The following ST18 variants were observed in gnomAD, a reference collection of about 807,000 sequenced individuals.
ST18 encodes the protein ST18 C2H2C-type zinc finger transcription factor.
In ST18, 50 loss-of-function variants were observed where a neutral mutation model predicts 110.0. The observed-to-expected ratio is 0.45, with a 90% CI of 0.36 to 0.58. ST18 has a LOEUF of 0.58. Ranked by LOEUF, ST18 falls within the 20% of genes least tolerant of loss-of-function variation. ST18 has a pLI of 0.00. For missense variants in ST18, 1,306 were observed against 1,280.1 expected, an observed-to-expected ratio of 1.02 and a Z score of -0.31; for synonymous variants, 461 against 452.4, an observed-to-expected ratio of 1.02 and a Z score of -0.24.
At chr8:52,229,614 C>G (rs985252590) in intron 3 of ST18, 2 of 152,126 alleles carry the variant, frequency 1.3e-5, no homozygotes. Context: ...ATTAGTTGGC[C>G]TTTTTTAGAA....
intron 2 of ST18, among the ~76,000 whole-genome samples, chr8:52,380,801 T>C (rs916491537): frequency 2.6e-5 from 4 of 152,008 alleles, no homozygotes; most frequent in African/African-American, 9.7e-5. Context: ...TTTTGGGGGG[T>C]TGACAGTTCA....
chr8:52,360,572 T>C (rs116547381), intron 2 of ST18, among the ~76,000 whole-genome samples: 441 of 152,236 alleles, frequency 2.9e-3, no homozygotes, highest in African/African-American at 1.0e-2. Flanking sequence ...GATGAGAATA[T>C]AGAAAAAAGA....
chr8:52,373,768 C>T (rs559031775), intron 2 of ST18, among the ~76,000 whole-genome samples: 6 of 152,138 alleles, frequency 3.9e-5, no homozygotes, highest in East Asian at 1.9e-4. Flanking sequence ...GTTGCCTCTC[C>T]CTCGCTATGT....
intron 8 of ST18, among the ~76,000 whole-genome samples, chr8:52,196,885 G>C (rs1381124582): frequency 6.6e-6 from 1 of 152,174 alleles, no homozygotes; most frequent in Non-Finnish European, 1.5e-5. Context: ...CGTCTTCTAG[G>C]CACTGTGGAA....
At chr8:52,396,118 A>G (rs1395010670) in intron 2 of ST18, among the ~76,000 whole-genome samples, 1 of 152,166 alleles carries the variant, frequency 6.6e-6, no homozygotes, top group Non-Finnish European at 1.5e-5. Flanking sequence ...AGATTAATGT[A>G]CCTTCATCTC....
chr8:52,202,441 CT>C (rs1325802014), intron 8 of ST18, among the ~76,000 whole-genome samples: 1 of 151,860 alleles, frequency 6.6e-6, no homozygotes, highest in Non-Finnish European at 1.5e-5. Context: ...TAGGTTTTTC[CT>C]TTTTTTATTG....
At chr8:52,265,774 A>T (rs935711887) in intron 2 of ST18, among the ~76,000 whole-genome samples, 4 of 152,222 alleles carry the variant, frequency 2.6e-5, no homozygotes, top group African/African-American at 7.2e-5. Flanking sequence ...ACTATTTGGG[A>T]ATAATTCTGG....
intron 2 of ST18, among the ~76,000 whole-genome samples, chr8:52,357,614 T>C (rs1823342643): frequency 7.1e-6 from 1 of 141,622 alleles, no homozygotes; most frequent in Non-Finnish European, 1.5e-5. Context: ...AAAAGTTCAA[T>C]CCATCATGAA....
intron 2 of ST18, among the ~76,000 whole-genome samples, chr8:52,393,013 T>C (rs1048609228): frequency 2.6e-5 from 4 of 152,160 alleles, no homozygotes; most frequent in Non-Finnish European, 4.4e-5. Flanking sequence ...GGTTTTCCTT[T>C]TGATTCAGTT....
chr8:52,230,065 G>A lies in ST18; in HGVS notation c.-452C>T, dbSNP rs987090699. On this transcript the variant is annotated 5_prime_UTR_variant, in exon 3 of 26. Coordinates refer to ENST00000689386, the MANE Select transcript of ST18 (RefSeq NM_001352837.2). ...AAAGCTACTGGATCTGAACTGGAGAGTTTCCATCACTCCTGAGGAAAAGCA... is the reference window on the plus strand; with the variant it reads ...AAAGCTACTGGATCTGAACTGGAGAATTTCCATCACTCCTGAGGAAAAGCA... The A allele has an allele frequency of 6.6e-6, 1 of 152,524 alleles. No individual in the cohort carries two copies. The highest frequency in any genetic ancestry group is 2.4e-5 in the African/African-American group (1 of 41,420). The allele number at this position is 152,524 out of a possible 1,614,324, so 9.4% of individuals were successfully genotyped here. A position where few individuals can be genotyped will look rare whatever the true frequency, so the allele number is the denominator to read the frequency against.
intron 2 of ST18, among the ~76,000 whole-genome samples, chr8:52,354,120 C>T (rs908456926): frequency 3.3e-5 from 5 of 152,346 alleles, no homozygotes; most frequent in South Asian, 2.1e-4. Flanking sequence ...CAGCCAGGAC[C>T]GAGTTATGTG....
intron 21 of ST18, among the ~76,000 whole-genome samples, chr8:52,132,523 T>C (rs893260397): frequency 2.0e-5 from 3 of 152,224 alleles, no homozygotes; most frequent in Admixed American, 6.5e-5. Flanking sequence ...GACTATGTTA[T>C]GTTGCTTCCG....
chr8:52,253,486 CTT>C (rs1403583186), intron 2 of ST18, among the ~76,000 whole-genome samples: 2 of 152,110 alleles, frequency 1.3e-5, no homozygotes, highest in Non-Finnish European at 2.9e-5. Context: ...ATAGGCTACT[CTT>C]ATCCAATTCT....
chr8:52,233,702 A>G (rs950815728), intron 2 of ST18, among the ~76,000 whole-genome samples: 3 of 152,166 alleles, frequency 2.0e-5, no homozygotes, highest in Admixed American at 1.3e-4. Context: ...ATTTAAGTCT[A>G]TTATTTTCAT....
At chr8:52,165,605 C>T (rs7846349) in intron 11 of ST18, among the ~76,000 whole-genome samples, 40,733 of 152,004 alleles carry the variant, frequency 0.27, 7,658 homozygotes, top group African/African-American at 0.54. Flanking sequence ...TGAAGTTCTG[C>T]GTATGGTCTT....
chr8:52,117,630 C>A (rs971282899), intron 24 of ST18, among the ~76,000 whole-genome samples: 1 of 152,080 alleles, frequency 6.6e-6, no homozygotes, highest in African/African-American at 2.4e-5. Context: ...GGATTAAAAC[C>A]CTTTGTCTTA....
intron 22 of ST18, among the ~76,000 whole-genome samples, chr8:52,128,683 C>G (rs2048037911): frequency 6.6e-6 from 1 of 152,156 alleles, no homozygotes; most frequent in Admixed American, 6.5e-5. Context: ...GCCTGTGACA[C>G]CTCAGCTTGG....
chr8:52,156,334 G>T (rs1428699983), intron 15 of ST18, among the ~76,000 whole-genome samples: 1 of 152,224 alleles, frequency 6.6e-6, no homozygotes. Flanking sequence ...AAAGTTTGGA[G>T]TAAGGAGAAG....
chr8:52,307,461 C>G (rs2095833053), intron 2 of ST18, among the ~76,000 whole-genome samples: 1 of 152,170 alleles, frequency 6.6e-6, no homozygotes, highest in South Asian at 2.1e-4. Context: ...AAGTCATATA[C>G]ACATTATATA....
Sources: gnomAD v4.1 joint callset for allele counts (sites outside exome capture counted in the v4.1 genomes callset) on GRCh38, gnomAD v4.1.1 for gene constraint, MANE v1.5 for transcripts, NCBI Gene and HGNC (gene_info 2026-07-23, HGNC 2026-07-21) for gene names.